APBA1: variants seen among roughly 807,000 people sequenced by gnomAD.
The protein encoded by APBA1 is amyloid beta precursor protein binding family A member 1.
A neutral mutation model predicts 86.6 loss-of-function variants in APBA1; 55 were observed. The ratio of observed to expected loss-of-function variants is 0.64; its 90% CI spans 0.51 to 0.80. The LOEUF (loss-of-function observed/expected upper bound fraction) is 0.80. Ranked by LOEUF, APBA1 falls within the 30% of genes least tolerant of loss-of-function variation. The probability of loss-of-function intolerance (pLI) is 0.00; values close to 1 mark genes in which losing one functional copy is unlikely to be tolerated. For synonymous variants in APBA1, 511 were observed against 493.9 expected, an observed-to-expected ratio of 1.03 and a Z score of -0.46; for missense variants, 1,090 against 1,183.0, an observed-to-expected ratio of 0.92 and a Z score of 1.15.
chr9:69,570,955 T>G (rs902151104), intron 1 of APBA1, among the ~76,000 whole-genome samples: 1 of 152,198 alleles, frequency 6.6e-6, no homozygotes, highest in Non-Finnish European at 1.5e-5. Flanking sequence ...AAGACAAGTC[T>G]ATTCCGGTTT....
chr9:69,528,276 A>G (rs1028926024), intron 1 of APBA1, among the ~76,000 whole-genome samples: 1 of 152,154 alleles, frequency 6.6e-6, no homozygotes, highest in Non-Finnish European at 1.5e-5. Context: ...ATCCACTTGG[A>G]TTAATTCAGT....
intron 1 of APBA1, among the ~76,000 whole-genome samples, chr9:69,558,065 T>TGGC (rs1836889742): frequency 6.6e-6 from 1 of 152,238 alleles, no homozygotes; most frequent in South Asian, 2.1e-4. Flanking sequence ...CTATTAAATT[T>TGGC]TGCTTACTTT....
chr9:69,536,385 T>A (rs1001200117), intron 1 of APBA1, among the ~76,000 whole-genome samples: 1 of 151,972 alleles, frequency 6.6e-6, no homozygotes, highest in African/African-American at 2.4e-5. Flanking sequence ...AAAGACATGA[T>A]GATGGCCAGT....
rs1349806147 is a variant in APBA1 at position 69,516,039 on chromosome 9, C to T, written c.1172G>A (p.Cys391Tyr). 9 of 1,593,218 alleles carry T rather than the reference C, an allele frequency of 5.6e-6. No individual in the cohort carries two copies. Among genetic ancestry groups the T allele is most frequent in the Non-Finnish European group, 7.7e-6 (9 of 1,167,952 alleles). ...MRQDISPTRD[C>Y]DDQRPMDGDS... ...TCCGTCCATCGGCCTCTGGTCGTCA[C>T]AGTCCCTGGTGGGGCTAATGTCCTG... The change falls in exon 2 of 13, where the codon TGT (cysteine) becomes TAT (tyrosine). Residue 391 changes from cysteine (C) to tyrosine (Y), a missense_variant. By Grantham distance (194) the Cys-to-Tyr change is radical. This residue lies in a region of APBA1 where 678 missense variants were observed against 647.1 expected (regional missense o/e 1.05). Coordinates refer to ENST00000265381, the MANE Select transcript of APBA1 (RefSeq NM_001163.4). The surrounding 1 kb of genome is among the most constrained non-coding windows in gnomAD (Gnocchi z 7.3).
intron 1 of APBA1, among the ~76,000 whole-genome samples, chr9:69,578,533 C>T (rs573868295): frequency 6.6e-6 from 1 of 152,280 alleles, no homozygotes; most frequent in African/African-American, 2.4e-5. Context: ...AATCTGGTTG[C>T]CACTTAAAAA....
At chr9:69,607,338 A>C (rs1252957679) in intron 1 of APBA1, among the ~76,000 whole-genome samples, 1 of 152,164 alleles carries the variant, frequency 6.6e-6, no homozygotes. Context: ...AGATCTTGTG[A>C]GACTTATTCA....
rs1491569546 is a variant in APBA1 at position 69,430,560 on chromosome 9, T to TGTGA, written c.*766_*767insTCAC. On this transcript the variant is annotated 3_prime_UTR_variant, in exon 13 of 13. Transcript: ENST00000265381. ...GGGACTGTGTGTGTGTGTGTGTGTG[T>TGTGA]GAGAGAGAGAGAAGCAGACAGTACC... is the stretch of plus-strand genomic sequence containing the variant. 3 of 140,140 alleles carry TGTGA rather than the reference T, an allele frequency of 2.1e-5. No homozygotes were observed. Among genetic ancestry groups the TGTGA allele is most frequent in the African/African-American group, 8.6e-5 (3 of 34,722 alleles). The allele number at this position is 140,140 out of a possible 1,614,324, so 8.7% of individuals were successfully genotyped here.
chr9:69,652,344 A>G (rs1198578755), intron 1 of APBA1, among the ~76,000 whole-genome samples: 2 of 152,156 alleles, frequency 1.3e-5, no homozygotes, highest in African/African-American at 4.8e-5. Flanking sequence ...GGAGAAATCT[A>G]AGGGCTAGTC....
Position 69,452,178 on chromosome 9 carries a change from G to T in APBA1, c.1912C>A (p.Gln638Lys). 1 of 1,614,160 alleles carries T rather than the reference G, an allele frequency of 6.2e-7. No homozygotes were observed. ...QKEYSDLLNT[Q>K]DMYNDDLIHF... ...ATCAGGTCATCGTTGTACATGTCCT[G>T]GGTATTGAGCAGGTCACTATACTCC... The change falls in exon 9 of 13, where the codon CAG becomes AAG. Residue 638 changes from glutamine to lysine, a missense_variant. Coordinates refer to ENST00000265381, the MANE Select transcript of APBA1 (RefSeq NM_001163.4).
chr9:69,489,774 G>A (rs1427753199), intron 2 of APBA1, among the ~76,000 whole-genome samples: 1 of 152,024 alleles, frequency 6.6e-6, no homozygotes, highest in Non-Finnish European at 1.5e-5. Flanking sequence ...ACCACAATGA[G>A]ATACCATCTC....
At chr9:69,581,175 A>G (rs1403280327) in intron 1 of APBA1, among the ~76,000 whole-genome samples, 1 of 152,106 alleles carries the variant, frequency 6.6e-6, no homozygotes, top group African/African-American at 2.4e-5. Flanking sequence ...GGCCACTTAA[A>G]TGGTATCAGT....
At chr9:69,530,263 G>A (rs941608076) in intron 1 of APBA1, among the ~76,000 whole-genome samples, 1 of 150,816 alleles carries the variant, frequency 6.6e-6, no homozygotes, top group Non-Finnish European at 1.5e-5. Context: ...CAACCCAAGT[G>A]TCTATCAATG....
At chr9:69,468,002 C>T (rs1158088938) in intron 4 of APBA1, 34 bp from the exon 5 acceptor site, 5 of 1,605,412 alleles carry the variant, frequency 3.1e-6, no homozygotes, top group African/African-American at 1.3e-5. Flanking sequence ...AGGAAGCCAT[C>T]CTGGGGTGGG....
At chr9:69,522,617 A>G (rs1004236025) in intron 1 of APBA1, among the ~76,000 whole-genome samples, 5 of 152,200 alleles carry the variant, frequency 3.3e-5, no homozygotes, top group Admixed American at 2.6e-4. Context: ...ATACCTGGTG[A>G]TAAGTGCAAA....
At position 69,499,666 on chromosome 9, in the gene APBA1, C is replaced by CAA. The variant is rs71356111; in HGVS notation, c.1200+16343_1200+16344dup. 3.2e-3 allele frequency among the ~76,000 whole-genome samples: 460 copies of CAA among 143,052 alleles called. 7 individuals carry two copies. Among genetic ancestry groups the CAA allele is most frequent in the African/African-American group, 5.9e-3 (225 of 38,370 alleles). 93.8% of individuals were successfully genotyped at this position (143,052 alleles called of 152,430 possible). On this transcript the variant is annotated intron_variant, in intron 2 of 12. Transcript: ENST00000265381. ...GGTCAGTAGTTTCCTAGCAACGGTC[C>CAA]AAAAAAAAAAAAAATCCATGTCGGT... is the stretch of plus-strand genomic sequence containing the variant.
chr9:69,629,133 G>T (rs927294601), intron 1 of APBA1, among the ~76,000 whole-genome samples: 1 of 152,128 alleles, frequency 6.6e-6, no homozygotes, highest in African/African-American at 2.4e-5. Context: ...AGTCTGAATT[G>T]AAACCAATTA....
chr9:69,546,254 T>A (rs556441015), intron 1 of APBA1, among the ~76,000 whole-genome samples: 2 of 152,234 alleles, frequency 1.3e-5, no homozygotes, highest in Non-Finnish European at 2.9e-5. Context: ...ATCCTTCTGA[T>A]CAGAGCATTC....
At chr9:69,656,071 A>G (rs954939133) in intron 1 of APBA1, among the ~76,000 whole-genome samples, 1 of 152,206 alleles carries the variant, frequency 6.6e-6, no homozygotes, top group African/African-American at 2.4e-5. Context: ...CAACTTTAAC[A>G]CTACTACACA....
At chr9:69,570,156 A>G (rs1837093185) in intron 1 of APBA1, among the ~76,000 whole-genome samples, 1 of 152,200 alleles carries the variant, frequency 6.6e-6, no homozygotes, top group South Asian at 2.1e-4. Context: ...AACACATTTT[A>G]ATAACAGTCA....
Sources: allele counts gnomAD v4.1 joint callset (sites outside exome capture counted in the v4.1 genomes callset), GRCh38; gene constraint gnomAD v4.1.1; regional missense constraint gnomAD v4.1.1; non-coding constraint Gnocchi (gnomAD v3.1); transcripts MANE v1.5; gene names NCBI Gene and HGNC (gene_info 2026-07-23, HGNC 2026-07-21).